Variants in FAAH2 observed in about 807,000 individuals in gnomAD.
FAAH2 encodes fatty acid amide hydrolase 2.
Under a neutral mutation model 36.9 loss-of-function variants are expected in FAAH2, and 60 were observed. That is an observed-to-expected ratio of 1.63 (90% CI 1.32 to 2.02). The LOEUF is 2.02. FAAH2 is among the 30% of genes most tolerant of loss of function. FAAH2 has a pLI of 0.00. For synonymous variants in FAAH2, 214 were observed against 143.8 expected (o/e 1.49, Z -3.49); for missense variants, 689 against 397.5 (o/e 1.73, Z -6.23).
chrX:57,257,955 G>C, the FAAH2 span, among the ~76,000 whole-genome samples: 1 of 111,706 alleles, frequency 9.0e-6, no homozygotes, highest in African/African-American at 3.2e-5. Flanking sequence ...CATTCTTACA[G>C]AAATAGAAAA....
chrX:57,128,340 T>C, the FAAH2 span, among the ~76,000 whole-genome samples: 1 of 111,659 alleles, frequency 9.0e-6, no homozygotes, highest in Non-Finnish European at 1.9e-5. Context: ...CAAGAAGTTA[T>C]TGAATCAAAA....
intron 7 of FAAH2, among the ~76,000 whole-genome samples, chrX:57,389,048 A>T (rs149918159): frequency 0.016 from 1,718 of 108,527 alleles, 14 homozygotes; most frequent in Middle Eastern, 0.028. Context: ...CTTTGAACAA[A>T]AGCTGTTATA....
At position 57,392,777 on chromosome X, in the gene FAAH2, G is replaced by T. The variant is rs1056674420; in HGVS notation, c.996+11748G>T. 3 of 617,881 alleles carry T rather than the reference G, an allele frequency of 4.9e-6. No individual in the cohort carries two copies. The African/African-American group carries it at 6.6e-5, about 14-fold the overall frequency. The allele number at this position is 617,881 out of a possible 1,213,427, so 50.9% of individuals were successfully genotyped here. A position where few individuals can be genotyped will look rare whatever the true frequency, so the allele number is the denominator to read the frequency against. On this transcript the variant is annotated intron_variant, in intron 7 of 10. Coordinates refer to ENST00000374900, the MANE Select transcript of FAAH2 (RefSeq NM_174912.4). ...AACCAGCCCCGATGCTGGCATGGAT[G>T]TTGCGAATGGGCAGAATGAATCCTG...
At chrX:57,458,947 G>A (rs1380970504) in intron 10 of FAAH2, among the ~76,000 whole-genome samples, 1 of 111,949 alleles carries the variant, frequency 8.9e-6, no homozygotes, top group Non-Finnish European at 1.9e-5. Flanking sequence ...TTTCCCAGTG[G>A]CGCCTGGAAC....
intron 7 of FAAH2, among the ~76,000 whole-genome samples, chrX:57,408,108 A>ATTG (rs1218073995): frequency 1.6e-4 from 18 of 111,053 alleles, no homozygotes; most frequent in Admixed American, 2.9e-4. Flanking sequence ...TATTATTATT[A>ATTG]TTATTTTGAT....
At chrX:57,224,046 G>A in the FAAH2 span, among the ~76,000 whole-genome samples, 13 of 111,364 alleles carry the variant, frequency 1.2e-4, no homozygotes, top group Non-Finnish European at 2.3e-4. Context: ...AACACCAAAA[G>A]CACCCTCTTT....
chrX:57,469,969 G>T (rs1220858909), intron 10 of FAAH2, among the ~76,000 whole-genome samples: 2 of 111,557 alleles, frequency 1.8e-5, no homozygotes, highest in African/African-American at 3.3e-5. Context: ...TCAGCTACAT[G>T]GAAACTGAAG....
At chrX:57,233,611 G>A in the FAAH2 span, among the ~76,000 whole-genome samples, 1 of 111,347 alleles carries the variant, frequency 9.0e-6, no homozygotes, top group Non-Finnish European at 1.9e-5. Context: ...CTTTTGGTGG[G>A]TATTTTGACA....
At chrX:57,370,632 A>G (rs775000242) in intron 5 of FAAH2, among the ~76,000 whole-genome samples, 4 of 112,296 alleles carry the variant, frequency 3.6e-5, no homozygotes, top group African/African-American at 1.3e-4. Context: ...CCCCCAGGCC[A>G]TGGACCAGTA....
chrX:57,389,278 C>T (rs1273447645), intron 7 of FAAH2, among the ~76,000 whole-genome samples: 1 of 36,074 alleles, frequency 2.8e-5, no homozygotes, highest in Non-Finnish European at 6.1e-5. Context: ...ACACACACAC[C>T]TACACACACA....
At chrX:57,219,326 A>G in the FAAH2 span, among the ~76,000 whole-genome samples, 1 of 111,246 alleles carries the variant, frequency 9.0e-6, no homozygotes, top group East Asian at 2.8e-4. Context: ...AGAACCTTAT[A>G]TTTTGGTGCT....
chrX:57,400,893 CG>C (rs781489929), intron 7 of FAAH2, among the ~76,000 whole-genome samples: 24 of 111,781 alleles, frequency 2.1e-4, no homozygotes, highest in African/African-American at 6.5e-4. Context: ...GAGGCTGAGG[CG>C]GGCAGATCAC....
chrX:57,320,507 A>C (rs1602261240), intron 3 of FAAH2, among the ~76,000 whole-genome samples: 1 of 112,459 alleles, frequency 8.9e-6, no homozygotes, highest in Admixed American at 9.4e-5. Context: ...ATCATTAAAA[A>C]GTCAGGAAGC....
At chrX:57,389,288 A>AGG in intron 7 of FAAH2, among the ~76,000 whole-genome samples, 1 of 60,788 alleles carries the variant, frequency 1.6e-5, no homozygotes, top group South Asian at 9.2e-4. Flanking sequence ...CTACACACAC[A>AGG]CACACATATA....
At chrX:57,185,488 C>G in the FAAH2 span, among the ~76,000 whole-genome samples, 14 of 94,020 alleles carry the variant, frequency 1.5e-4, no homozygotes, top group East Asian at 3.3e-4. Flanking sequence ...CTCTCTGTCT[C>G]TGTGTGTGTG....
At chrX:57,230,138 C>T in the FAAH2 span, among the ~76,000 whole-genome samples, 1 of 112,183 alleles carries the variant, frequency 8.9e-6, no homozygotes, top group Non-Finnish European at 1.9e-5. Flanking sequence ...CAAATTTGTG[C>T]TGACCTCTCA....
intron 7 of FAAH2, among the ~76,000 whole-genome samples, chrX:57,418,009 C>T (rs2055892061): frequency 9.0e-6 from 1 of 111,516 alleles, no homozygotes; most frequent in South Asian, 3.8e-4. Context: ...TTTGAACTTC[C>T]TGAAGGCTTT....
At chrX:57,289,880 A>G (rs2051925230) in intron 1 of FAAH2, among the ~76,000 whole-genome samples, 1 of 109,915 alleles carries the variant, frequency 9.1e-6, no homozygotes, top group African/African-American at 3.3e-5. Context: ...AAAGAGAGAG[A>G]GAGTGAGAAG....
chrX:57,290,722 C>T (rs1013418486), intron 1 of FAAH2, among the ~76,000 whole-genome samples: 4 of 110,683 alleles, frequency 3.6e-5, no homozygotes, highest in Non-Finnish European at 7.6e-5. Flanking sequence ...AAAAAAATTG[C>T]TTTATTTTTC....
Sources: allele counts gnomAD v4.1 joint callset (sites outside exome capture counted in the v4.1 genomes callset), GRCh38; gene constraint gnomAD v4.1.1; transcripts MANE v1.5; gene names NCBI Gene and HGNC (gene_info 2026-07-23, HGNC 2026-07-21).